THBS3: variants seen among roughly 807,000 people sequenced by gnomAD.
The protein encoded by THBS3 is thrombospondin 3.
Under a neutral mutation model 118.3 loss-of-function variants are expected in THBS3, and 78 were observed. The observed-to-expected ratio is 0.66, with a 90% CI of 0.55 to 0.80. The LOEUF (loss-of-function observed/expected upper bound fraction) is 0.80, where lower values mean the gene tolerates loss of function less well. THBS3 is among the 30% of genes least tolerant of loss of function. The pLI is 0.00. For missense variants in THBS3, 1,057 were observed against 1,247.4 expected (o/e 0.85, Z 2.30); for synonymous variants, 427 against 475.3 (o/e 0.90, Z 1.32).
At chr1:155,196,872 G>A (rs1668754572) in intron 21 of THBS3, 169 bp downstream of exon 21, 1 of 641,422 alleles carries the variant, frequency 1.6e-6, no homozygotes, top group Non-Finnish European at 2.7e-6. Context: ...GGTCATGGAG[G>A]AGTGACTTCA....
Position 155,206,111 on chromosome 1 carries a change from A to G in THBS3, c.286+89T>C. 1 of 1,489,370 alleles carries G rather than the reference A, an allele frequency of 6.7e-7. No individual in the cohort carries two copies. The highest frequency in any genetic ancestry group is 9.2e-7 in the Non-Finnish European group (1 of 1,085,136). The allele number at this position is 1,489,370 out of a possible 1,614,324, so 92.3% of individuals were successfully genotyped here. A position where few individuals can be genotyped will look rare whatever the true frequency, so the allele number is the denominator to read the frequency against. ...GGACCTTGGTCCCTAGTGGAGGCCAAGGAGAATGAGGAAGCACTTGGGAAG... is the reference window on the plus strand; with the variant it reads ...GGACCTTGGTCCCTAGTGGAGGCCAGGGAGAATGAGGAAGCACTTGGGAAG... On this transcript the variant is annotated intron_variant, in intron 2 of 22. Transcript: ENST00000368378. This position sits in a 1 kb window ranked among gnomAD's most constrained non-coding sequence, Gnocchi z 4.2.
intron 21 of THBS3, chr1:155,196,838 C>T (rs1668748298): frequency 1.2e-5 from 7 of 592,576 alleles, no homozygotes; most frequent in Non-Finnish European, 1.5e-5. Flanking sequence ...AACCCAATGC[C>T]CTCATTTTAC....
chr1:155,197,765 C>T lies in THBS3; in HGVS notation c.2303-106G>A. ...TGCTATGTATGTGGCCAGCTTGTGC[C>T]ACTGCCTTCTCTCTCGCCACTTTGC... On this transcript the variant is annotated intron_variant, in intron 19 of 22. Transcript: ENST00000368378. The surrounding 1 kb of genome is among the most constrained non-coding windows in gnomAD (Gnocchi z 5.0). 1 of 1,589,522 alleles carries T rather than the reference C, an allele frequency of 6.3e-7. No individual in the cohort carries two copies. The highest frequency in any genetic ancestry group is 8.6e-7 in the Non-Finnish European group (1 of 1,159,872).
In THBS3 at chr1:155,200,063, T is replaced by C; in HGVS notation, c.1759A>G (p.Thr587Ala). The change falls in exon 15 of 23, where the codon ACA (threonine) becomes GCA (alanine). Residue 587 changes from threonine (T) to alanine (A), a missense_variant. Transcript: ENST00000368378. ...CCCACCCCGTCCTCATCCCTGTCTG[T>C]CTGTAGTGGGTTGGGGACTTTAGGG... ...NCPKVPNPLQTDRDEDGVGDA... is the reference protein window; with the variant it reads ...NCPKVPNPLQADRDEDGVGDA... 6.2e-7 allele frequency: 1 copy of C among 1,601,262 alleles called. No individual in the cohort carries two copies. Among genetic ancestry groups the C allele is most frequent in the East Asian group, 2.2e-5 (1 of 44,742 alleles).
At chr1:155,208,778 C>A, upstream of THBS3, 1 of 1,487,440 alleles carries the variant, frequency 6.7e-7, no homozygotes, top group Non-Finnish European at 9.0e-7. Context: ...GCAGGGCCCG[C>A]TCCAAACATA....
chr1:155,207,945 C>T, upstream of THBS3: 1 of 1,490,610 alleles, frequency 6.7e-7, no homozygotes, highest in Non-Finnish European at 9.2e-7. Flanking sequence ...GCGGAGAGAG[C>T]AGGAGCCGGG....
chr1:155,208,710 CGGCCT>C, upstream of THBS3: 1 of 1,300,856 alleles, frequency 7.7e-7, no homozygotes, highest in Non-Finnish European at 1.0e-6. Flanking sequence ...AGCCCCAGCC[CGGCCT>C]CCGCTCCGGC....
In THBS3 at chr1:155,199,785, C is replaced by T. The variant is rs1669382165; in HGVS notation, c.1880+19G>A. The T allele has an allele frequency of 6.2e-7, 1 of 1,613,814 alleles. No homozygotes were observed. The highest frequency in any genetic ancestry group is 1.3e-5 in the African/African-American group (1 of 74,892). On this transcript the variant is annotated intron_variant, in intron 16 of 22. Transcript: ENST00000368378. The stretch of plus-strand genomic sequence containing the variant: ...GACAAAAAAAAGAAAGACCTTGCGT[C>T]TCTTGACCAAGACCTTACCTGTCTT...
intron 21 of THBS3, 99 bp from the exon 22 acceptor site, chr1:155,196,225 G>C (rs1198502761): frequency 1.4e-6 from 2 of 1,383,866 alleles, no homozygotes; most frequent in East Asian, 4.6e-5. Context: ...AGCCCCCCTT[G>C]AGCTCACCAG....
At position 155,197,605 on chromosome 1, in the gene THBS3, A is replaced by T. The variant is rs911916969; in HGVS notation, c.2357T>A (p.Val786Glu). The stretch of plus-strand genomic sequence containing the variant: ...AAAGCCTGCGTAGTCATCATCAGTC[A>T]CTGTGTTCACATGGAAGGTGCCTTC... ...DFEGTFHVNT[V>E]TDDDYAGFLF... Residue 786 changes from valine to glutamate, a missense_variant, in exon 20 of 23, where the codon GTG becomes GAG. Val to Glu is a moderately radical substitution (Grantham distance 121). Around this residue, in one of 3 missense-constraint regions of THBS3, gnomAD observed 307 missense variants for 326.1 expected, o/e 0.94. Transcript: ENST00000368378. The surrounding 1 kb of genome is among the most constrained non-coding windows in gnomAD (Gnocchi z 5.0). The T allele has an allele frequency of 1.4e-6, 2 of 1,467,940 alleles. No individual in the cohort carries two copies. The highest frequency in any genetic ancestry group is 1.8e-6 in the Non-Finnish European group (2 of 1,090,054). 90.9% of individuals were successfully genotyped at this position (1,467,940 alleles called of 1,614,324 possible).
chr1:155,208,775 C>A, upstream of THBS3: 1 of 1,471,062 alleles, frequency 6.8e-7, no homozygotes, highest in Non-Finnish European at 9.0e-7. Flanking sequence ...GGCGCAGGGC[C>A]CGCTCCAAAC....
At position 155,196,925 on chromosome 1, in the gene THBS3, G is replaced by C. The variant is rs1668765596; in HGVS notation, c.2672+116C>G. 9.3e-6 allele frequency: 9 copies of C among 964,370 alleles called. No homozygotes were observed. In the South Asian group the frequency reaches 1.4e-4, roughly 15 times the overall value. 59.7% of individuals were successfully genotyped at this position (964,370 alleles called of 1,614,324 possible). On this transcript the variant is annotated intron_variant, in intron 21 of 22. Coordinates refer to ENST00000368378, the MANE Select transcript of THBS3 (RefSeq NM_007112.5). ...TGCTTGTGTCCGTGGTGAGAAGGGT[G>C]ATGGAGAGAAGTGGCTGCAGTTCCC... is the stretch of plus-strand genomic sequence containing the variant.
intron 21 of THBS3, 92 bp downstream of exon 21, chr1:155,196,949 C>T: frequency 7.7e-7 from 1 of 1,294,880 alleles, no homozygotes; most frequent in Non-Finnish European, 1.1e-6. Flanking sequence ...GCTGCAGTTC[C>T]CACCCATGGA....
At chr1:155,196,470 C>T in intron 21 of THBS3, 1 of 317,034 alleles carries the variant, frequency 3.2e-6, no homozygotes, top group Non-Finnish European at 5.9e-6. Context: ...CCTGGCACCC[C>T]ACAGCCCCAG....
chr1:155,205,221 G>T lies in THBS3; in HGVS notation c.382C>A (p.Arg128=). The part of the protein sequence containing the change: ...ADGRTHTVLL[R]LRGPSRPSPA... ...CTGGGTCTGGAGGGACCTCGGAGTC[G>T]CAGGAGAACTGTGTGTGTGCGCCCA... Residue 128 remains arginine, a synonymous_variant, in exon 3 of 23, where the codon CGA becomes AGA. Coordinates refer to ENST00000368378, the MANE Select transcript of THBS3 (RefSeq NM_007112.5). 1 of 1,614,148 alleles carries T rather than the reference G, an allele frequency of 6.2e-7. No individual in the cohort carries two copies. The highest frequency in any genetic ancestry group is 1.1e-5 in the South Asian group (1 of 91,086).
intron 10 of THBS3, 24 bp from the exon 11 acceptor site, chr1:155,201,593 T>C (rs1669737068): frequency 1.2e-6 from 2 of 1,608,156 alleles, no homozygotes; most frequent in Admixed American, 3.4e-5. Context: ...GGCAGCATCT[T>C]AGGAAGGAGG....
In THBS3 at chr1:155,203,115, C is replaced by T. The variant is rs1343149138; in HGVS notation, c.779G>A (p.Arg260Gln). 5.0e-6 allele frequency: 8 copies of T among 1,614,100 alleles called. No individual in the cohort carries two copies. Among genetic ancestry groups the T allele is most frequent in the Admixed American group, 1.7e-5 (1 of 60,008 alleles). ...RDQVKEMSLI[R>Q]NTIMECQVCG... ...CACCTGACACTCCATAATGGTGTTT[C>T]GGATCAGGGACATTTCCTTCACCTG... Residue 260 changes from arginine to glutamine, a missense_variant, in exon 7 of 23, where the codon CGA becomes CAA. Arg to Gln is a conservative substitution (Grantham distance 43). Transcript: ENST00000368378.
At position 155,197,180 on chromosome 1, in the gene THBS3, G is replaced by A; in HGVS notation, c.2533C>T (p.Leu845Phe). 1 of 1,614,156 alleles carries A rather than the reference G, an allele frequency of 6.2e-7. No individual in the cohort carries two copies. Among genetic ancestry groups the A allele is most frequent in the Non-Finnish European group, 8.5e-7 (1 of 1,179,998 alleles). Reference sequence around the variant, plus strand: ...CCAGTATGCCACAGGGCATTTCGGAGGTGCTCACCTGGGCCAGACACTGAT... The same window carrying A: ...CCAGTATGCCACAGGGCATTTCGGAAGTGCTCACCTGGGCCAGACACTGAT... ...VTSVSGPGEHLRNALWHTGHT... is the reference protein window; with the variant it reads ...VTSVSGPGEHFRNALWHTGHT... The change falls in exon 21 of 23, where the codon CTC (leucine) becomes TTC (phenylalanine). Residue 845 changes from leucine (L) to phenylalanine (F), a missense_variant. Transcript: ENST00000368378. The surrounding 1 kb of genome is among the most constrained non-coding windows in gnomAD (Gnocchi z 5.0).
upstream of THBS3, chr1:155,209,111 G>A (rs1163204154): frequency 1.6e-5 from 25 of 1,542,646 alleles, no homozygotes. Flanking sequence ...TGCCAGTCGG[G>A]CCAGAAGAAG....
Sources: allele counts gnomAD v4.1 joint callset, GRCh38; gene constraint gnomAD v4.1.1; regional missense constraint gnomAD v4.1.1; non-coding constraint Gnocchi (gnomAD v3.1); transcripts MANE v1.5; gene names NCBI Gene and HGNC (gene_info 2026-07-23, HGNC 2026-07-21).